The following ENTREP2 variants were observed in gnomAD, a reference collection of about 807,000 sequenced individuals.
ENTREP2 encodes protein ENTREP2.
the ENTREP2 span, among the ~76,000 whole-genome samples, chr15:29,254,752 G>A: frequency 6.6e-6 from 1 of 152,082 alleles, no homozygotes; most frequent in Non-Finnish European, 1.5e-5. Flanking sequence ...AGCTACTCAG[G>A]AGCCTGAGGC....
At chr15:29,204,871 C>T in the ENTREP2 span, among the ~76,000 whole-genome samples, 5 of 152,168 alleles carry the variant, frequency 3.3e-5, no homozygotes, top group Non-Finnish European at 5.9e-5. Context: ...GCATACAGTT[C>T]AGTGGCATTA....
the ENTREP2 span, among the ~76,000 whole-genome samples, chr15:29,156,251 C>G: frequency 6.6e-6 from 1 of 151,500 alleles, no homozygotes; most frequent in East Asian, 2.0e-4. Context: ...GTAGCGTGAT[C>G]TTGGCTCACT....
the ENTREP2 span, among the ~76,000 whole-genome samples, chr15:29,333,319 T>A: frequency 6.6e-6 from 1 of 152,120 alleles, no homozygotes; most frequent in African/African-American, 2.4e-5. Context: ...CTGAGAAAAG[T>A]GAGTCCATAC....
At chr15:29,578,198 T>C in the ENTREP2 span, among the ~76,000 whole-genome samples, 1,128 of 152,292 alleles carry the variant, frequency 7.4e-3, 3 homozygotes, top group Middle Eastern at 0.031. Context: ...TGTGGAGAAA[T>C]TGAAACACTT....
the ENTREP2 span, among the ~76,000 whole-genome samples, chr15:29,534,517 T>C: frequency 2.6e-5 from 4 of 152,228 alleles, no homozygotes; most frequent in Non-Finnish European, 5.9e-5. Flanking sequence ...TAAATGTCTA[T>C]AAATGACCCA....
At chr15:29,269,740 A>G in the ENTREP2 span, 2 of 1,452,168 alleles carry the variant, frequency 1.4e-6, no homozygotes, top group South Asian at 2.9e-5. Flanking sequence ...ACACTCCGGT[A>G]GGCAAGCAGC....
the ENTREP2 span, among the ~76,000 whole-genome samples, chr15:29,589,879 G>T: frequency 6.6e-6 from 1 of 152,146 alleles, no homozygotes; most frequent in Non-Finnish European, 1.5e-5. Context: ...GGAAGGTGGG[G>T]ATTATACACG....
chr15:29,434,006 G>A, the ENTREP2 span, among the ~76,000 whole-genome samples: 10 of 152,226 alleles, frequency 6.6e-5, no homozygotes, highest in African/African-American at 7.2e-5. Flanking sequence ...TTGTTTGTCT[G>A]TCTACCCTCT....
chr15:29,556,770 C>CCCCA, the ENTREP2 span, among the ~76,000 whole-genome samples: 3,264 of 144,364 alleles, frequency 0.023, 50 homozygotes, highest in Non-Finnish European at 0.033. Flanking sequence ...GTGCCCCCCC[C>CCCCA]CCGCCCCACA....
chr15:29,490,401 C>G, the ENTREP2 span, among the ~76,000 whole-genome samples: 11 of 152,294 alleles, frequency 7.2e-5, no homozygotes, highest in South Asian at 2.1e-3. Context: ...GGAAGAGAAC[C>G]CAAACAGTTT....
chr15:29,576,963 G>A, the ENTREP2 span, among the ~76,000 whole-genome samples: 5 of 151,222 alleles, frequency 3.3e-5, no homozygotes, highest in African/African-American at 4.9e-5. Context: ...GCCCGCCACC[G>A]CACCCGCTAA....
the ENTREP2 span, among the ~76,000 whole-genome samples, chr15:29,207,393 C>G: frequency 7.6e-6 from 1 of 132,384 alleles, no homozygotes; most frequent in African/African-American, 2.9e-5. Flanking sequence ...AAGTTTATTA[C>G]GAAGAGCAAG....
chr15:29,450,172 C>T, the ENTREP2 span, among the ~76,000 whole-genome samples: 1 of 152,110 alleles, frequency 6.6e-6, no homozygotes, highest in Admixed American at 6.5e-5. Context: ...GCATAGTTTG[C>T]AAATATTTTC....
At chr15:29,319,682 C>T in the ENTREP2 span, among the ~76,000 whole-genome samples, 1 of 152,218 alleles carries the variant, frequency 6.6e-6, no homozygotes, top group Non-Finnish European at 1.5e-5. Context: ...TCTTGGACCC[C>T]TCAGAGAGCT....
At chr15:29,363,110 T>C in the ENTREP2 span, among the ~76,000 whole-genome samples, 3 of 152,120 alleles carry the variant, frequency 2.0e-5, no homozygotes, top group African/African-American at 7.2e-5. Context: ...TCTTTTCTTC[T>C]GCACTTAATA....
At chr15:29,368,441 A>G in the ENTREP2 span, among the ~76,000 whole-genome samples, 6 of 152,164 alleles carry the variant, frequency 3.9e-5, no homozygotes, top group South Asian at 1.2e-3. Flanking sequence ...GGCATGGTGG[A>G]CTTAGAAGAC....
chr15:29,277,141 C>T, the ENTREP2 span, among the ~76,000 whole-genome samples: 3 of 151,990 alleles, frequency 2.0e-5, no homozygotes, highest in Non-Finnish European at 4.4e-5. Context: ...GTCAGGAGTT[C>T]CAGACCAGCC....
At chr15:29,428,320 TCTC>T in the ENTREP2 span, among the ~76,000 whole-genome samples, 1 of 152,118 alleles carries the variant, frequency 6.6e-6, no homozygotes, top group Non-Finnish European at 1.5e-5. Context: ...TTCAAGCGAT[TCTC>T]CTGCTTCAGC....
the ENTREP2 span, among the ~76,000 whole-genome samples, chr15:29,189,083 G>A: frequency 4.7e-4 from 72 of 152,280 alleles, no homozygotes; most frequent in Non-Finnish European, 1.0e-4. Context: ...AAGCCTTTCC[G>A]TGGGTTCTGT....
Sources: gnomAD v4.1 joint callset for allele counts (sites outside exome capture counted in the v4.1 genomes callset) on GRCh38, gnomAD v4.1.1 for gene constraint, MANE v1.5 for transcripts, NCBI Gene and HGNC (gene_info 2026-07-23, HGNC 2026-07-21) for gene names.